The following UMAD1 variants were observed in gnomAD, a reference collection of about 807,000 sequenced individuals.
UMAD1 encodes UBAP1-MVB12-associated (UMA)-domain containing protein 1.
Under a neutral mutation model 6.1 loss-of-function variants are expected in UMAD1, and 8 were observed. The observed-to-expected ratio is 1.30, with a 90% CI of 0.76 to 2.35. UMAD1 has a LOEUF of 2.35. Ranked by LOEUF, UMAD1 falls within the 30% of genes most tolerant of loss-of-function variation. The probability of loss-of-function intolerance (pLI) is 0.00; values close to 1 mark genes in which losing one functional copy is unlikely to be tolerated. For synonymous variants in UMAD1, 56 were observed against 31.4 expected (o/e 1.78, Z -2.61); for missense variants, 130 against 78.4 (o/e 1.66, Z -2.49).
chr7:7,656,273 C>T (rs1199805091), intron 1 of UMAD1, among the ~76,000 whole-genome samples: 1 of 152,000 alleles, frequency 6.6e-6, no homozygotes, highest in Non-Finnish European at 1.5e-5. Flanking sequence ...AATGTAAAGT[C>T]TCTTGCTGTT....
At chr7:7,646,479 G>GA (rs1417063727) in intron 1 of UMAD1, among the ~76,000 whole-genome samples, 2 of 93,424 alleles carry the variant, frequency 2.1e-5, no homozygotes, top group African/African-American at 7.8e-5. Flanking sequence ...CCTTTCGCTG[G>GA]ATTTTTTTTT....
At chr7:7,717,888 A>C (rs1041381117) in intron 2 of UMAD1, among the ~76,000 whole-genome samples, 1 of 152,232 alleles carries the variant, frequency 6.6e-6, no homozygotes, top group African/African-American at 2.4e-5. Context: ...ATGTCATGTG[A>C]AAATCTGTTT....
chr7:7,840,540 G>A (rs955344929), intron 3 of UMAD1, among the ~76,000 whole-genome samples: 4 of 94,806 alleles, frequency 4.2e-5, no homozygotes, highest in Non-Finnish European at 9.6e-5. Flanking sequence ...AGAGAGAACT[G>A]TTGTAGACTG....
intron 3 of UMAD1, among the ~76,000 whole-genome samples, chr7:7,808,617 A>C (rs912885187): frequency 2.6e-5 from 4 of 151,888 alleles, no homozygotes; most frequent in Non-Finnish European, 4.4e-5. Flanking sequence ...GTTTATTTTA[A>C]GTGTTGGTTG....
intron 2 of UMAD1, among the ~76,000 whole-genome samples, chr7:7,686,293 A>G (rs1475662968): frequency 3.3e-5 from 5 of 152,124 alleles, no homozygotes; most frequent in Admixed American, 3.3e-4. Context: ...CACTATTGGG[A>G]AGTGTGTCCA....
intron 2 of UMAD1, among the ~76,000 whole-genome samples, chr7:7,740,032 T>C (rs2115203978): frequency 6.6e-6 from 1 of 152,362 alleles, no homozygotes; most frequent in East Asian, 1.9e-4. Context: ...GAACCCTTTT[T>C]CCCCTTCAGA....
intron 3 of UMAD1, among the ~76,000 whole-genome samples, chr7:7,826,936 G>A (rs1461247894): frequency 1.3e-5 from 2 of 151,964 alleles, no homozygotes; most frequent in Admixed American, 1.3e-4. Context: ...CTAAAATTTA[G>A]TTTATTTTCA....
In UMAD1 at chr7:7,757,993, G is replaced by A. The variant is rs369640653; in HGVS notation, c.83-43677G>A. 7.9e-5 allele frequency among the ~76,000 whole-genome samples: 12 copies of A among 152,250 alleles called. No individual in the cohort carries two copies. In the East Asian group the frequency reaches 1.2e-3, roughly 15 times the overall value. ...TAAAACAGAAATGCAAAAGTAGAGG[G>A]AGGAATCTGGGATGTGGTTTATTTA... On this transcript the variant is annotated intron_variant, in intron 2 of 3. Transcript: ENST00000682710.
At chr7:7,683,597 T>A (rs1779964232) in intron 2 of UMAD1, among the ~76,000 whole-genome samples, 1 of 151,968 alleles carries the variant, frequency 6.6e-6, no homozygotes, top group South Asian at 2.1e-4. Context: ...TCATACATGA[T>A]CCTATGAAAT....
intron 2 of UMAD1, among the ~76,000 whole-genome samples, chr7:7,728,613 C>T (rs1170137452): frequency 2.0e-5 from 3 of 148,980 alleles, no homozygotes; most frequent in Non-Finnish European, 4.4e-5. Context: ...CAGTGCACTC[C>T]AGACTGGGTG....
chr7:7,671,541 G>T (rs1432748118), intron 1 of UMAD1, among the ~76,000 whole-genome samples: 2 of 152,154 alleles, frequency 1.3e-5, no homozygotes, highest in South Asian at 2.1e-4. Flanking sequence ...ACTGTTCGAG[G>T]TTGAAAAGTA....
intron 2 of UMAD1, among the ~76,000 whole-genome samples, chr7:7,774,831 A>G (rs941974644): frequency 6.6e-6 from 1 of 152,160 alleles, no homozygotes; most frequent in African/African-American, 2.4e-5. Context: ...AGGAAGGTTG[A>G]GCAAAGCCCT....
intron 2 of UMAD1, among the ~76,000 whole-genome samples, chr7:7,708,185 A>C (rs548933767): frequency 7.7e-4 from 117 of 152,290 alleles, no homozygotes; most frequent in African/African-American, 2.6e-3. Flanking sequence ...ATATTCAAAC[A>C]CAACAGCTTC....
chr7:7,695,193 A>T (rs1487275559), intron 2 of UMAD1, among the ~76,000 whole-genome samples: 6 of 152,148 alleles, frequency 3.9e-5, no homozygotes, highest in Non-Finnish European at 7.3e-5. Flanking sequence ...TTCTTTTGAG[A>T]AGCTCGCTGT....
chr7:7,686,459 G>A (rs900091350), intron 2 of UMAD1, among the ~76,000 whole-genome samples: 3 of 152,100 alleles, frequency 2.0e-5, no homozygotes, highest in Non-Finnish European at 4.4e-5. Flanking sequence ...TTTTAAAAAT[G>A]TAGATAATTT....
intron 3 of UMAD1, among the ~76,000 whole-genome samples, chr7:7,820,586 G>C (rs1404939178): frequency 1.3e-5 from 2 of 152,118 alleles, no homozygotes; most frequent in Admixed American, 6.6e-5. Context: ...CTATGCTTCA[G>C]CTCCTCAAAA....
intron 2 of UMAD1, among the ~76,000 whole-genome samples, chr7:7,747,127 A>T (rs183424696): frequency 4.7e-4 from 72 of 152,292 alleles, no homozygotes; most frequent in Non-Finnish European, 8.5e-4. Context: ...TAGTAATGAG[A>T]TACTTTAGCC....
chr7:7,726,865 A>G (rs1210728102), intron 2 of UMAD1, among the ~76,000 whole-genome samples: 4 of 152,204 alleles, frequency 2.6e-5, no homozygotes, highest in East Asian at 1.9e-4. Flanking sequence ...GACCTGGACT[A>G]TCAAGATGAA....
chr7:7,760,171 G>A (rs892832009), intron 2 of UMAD1, among the ~76,000 whole-genome samples: 1 of 152,070 alleles, frequency 6.6e-6, no homozygotes, highest in Non-Finnish European at 1.5e-5. Flanking sequence ...AGATGATCTG[G>A]TTGACGTTCC....
Sources: allele counts gnomAD v4.1 joint callset (sites outside exome capture counted in the v4.1 genomes callset), GRCh38; gene constraint gnomAD v4.1.1; transcripts MANE v1.5; gene names NCBI Gene and HGNC (gene_info 2026-07-23, HGNC 2026-07-21).